Variants in GRM7 observed in about 807,000 individuals in gnomAD.
GRM7 encodes glutamate metabotropic receptor 7.
In GRM7, 35 loss-of-function variants were observed where a neutral mutation model predicts 84.5. The ratio of observed to expected loss-of-function variants is 0.41; its 90% CI spans 0.32 to 0.55. The LOEUF is 0.55. GRM7 is among the 20% of genes least tolerant of loss of function. The pLI is 0.19. For synonymous variants in GRM7, 487 were observed against 455.1 expected, an observed-to-expected ratio of 1.07 and a Z score of -0.89; for missense variants, 1,003 against 1,194.6, an observed-to-expected ratio of 0.84 and a Z score of 2.36.
chr3:7,313,915 GGAGA>G (rs35959092), intron 4 of GRM7, among the ~76,000 whole-genome samples: 2,393 of 149,666 alleles, frequency 0.016, 78 homozygotes, highest in African/African-American at 0.056. Context: ...GTTGTAAAAT[GGAGA>G]GAGAGAGAGA....
At chr3:7,543,175 G>C (rs768709555) in intron 7 of GRM7, among the ~76,000 whole-genome samples, 17 of 152,164 alleles carry the variant, frequency 1.1e-4, no homozygotes, top group Non-Finnish European at 2.1e-4. Flanking sequence ...GTTTAGAGCC[G>C]AGAGGTTAAT....
chr3:7,202,134 C>G (rs1346430293), intron 2 of GRM7, among the ~76,000 whole-genome samples: 4 of 152,006 alleles, frequency 2.6e-5, no homozygotes, highest in Non-Finnish European at 5.9e-5. Flanking sequence ...CATCTTGTCT[C>G]AAATTAAAGG....
chr3:7,266,827 A>G lies in GRM7; in HGVS notation c.737-31857A>G, dbSNP rs555287832. 2.6e-5 allele frequency among the ~76,000 whole-genome samples: 4 copies of G among 152,314 alleles called. No individual in the cohort carries two copies. The South Asian group carries it at 8.3e-4, about 32-fold the overall frequency. On this transcript the variant is annotated intron_variant, in intron 2 of 9. Coordinates refer to ENST00000357716, the MANE Select transcript of GRM7 (RefSeq NM_000844.4). ...AAATTTGGATAATTCATATTTTTCAACAGGTTTCTGGTTTTCTACCAAGTA... is the reference window on the plus strand; with the variant it reads ...AAATTTGGATAATTCATATTTTTCAGCAGGTTTCTGGTTTTCTACCAAGTA...
chr3:7,262,141 T>C (rs1032399603), intron 2 of GRM7, among the ~76,000 whole-genome samples: 1 of 151,832 alleles, frequency 6.6e-6, no homozygotes, highest in Non-Finnish European at 1.5e-5. Flanking sequence ...CTGATGGTTA[T>C]GTGTCTTAGG....
chr3:7,131,388 T>C (rs191936813), intron 1 of GRM7, among the ~76,000 whole-genome samples: 51 of 152,282 alleles, frequency 3.3e-4, no homozygotes, highest in African/African-American at 1.2e-3. Flanking sequence ...TTAGAGGTAT[T>C]TGGGTCTCAG....
chr3:6,945,643 C>A (rs1461939208), intron 1 of GRM7, among the ~76,000 whole-genome samples: 1 of 152,180 alleles, frequency 6.6e-6, no homozygotes, highest in African/African-American at 2.4e-5. Context: ...GCCACACCGA[C>A]TTCCACAATG....
At chr3:6,930,330 T>C (rs1383109661) in intron 1 of GRM7, among the ~76,000 whole-genome samples, 2 of 152,160 alleles carry the variant, frequency 1.3e-5, no homozygotes, top group Non-Finnish European at 2.9e-5. Context: ...CATCCTAAAG[T>C]GAAACAATGT....
chr3:7,373,546 T>C (rs12492155), intron 4 of GRM7, among the ~76,000 whole-genome samples: 38,250 of 152,160 alleles, frequency 0.25, 6,903 homozygotes, highest in African/African-American at 0.52. Context: ...CAGTCCTCCA[T>C]GAGGAAAAGT....
rs544471021 is a variant in GRM7 at position 7,009,676 on chromosome 3, T to C, written c.520-136776T>C. On this transcript the variant is annotated intron_variant, in intron 1 of 9. Transcript: ENST00000357716. ...GTTAAGGGCCCAGGTCAATATGCAGTTTTATTTGTCTGATTCTGTGCGCAC... is the reference window on the plus strand; with the variant it reads ...GTTAAGGGCCCAGGTCAATATGCAGCTTTATTTGTCTGATTCTGTGCGCAC... Among the ~76,000 whole-genome samples the C allele has an allele frequency of 4.8e-4, 73 of 152,224 alleles. 1 individual carries two copies. The highest frequency in any genetic ancestry group is 9.1e-4 in the Non-Finnish European group (62 of 68,004).
At chr3:6,985,532 G>T (rs1051095100) in intron 1 of GRM7, among the ~76,000 whole-genome samples, 3 of 152,154 alleles carry the variant, frequency 2.0e-5, no homozygotes, top group Admixed American at 2.0e-4. Flanking sequence ...TTGTTTCATT[G>T]TTGCCACAGG....
chr3:7,046,137 T>G (rs1696799810), intron 1 of GRM7, among the ~76,000 whole-genome samples: 1 of 152,172 alleles, frequency 6.6e-6, no homozygotes, highest in Non-Finnish European at 1.5e-5. Flanking sequence ...GAATACCTTT[T>G]CGTATTCTAT....
chr3:7,104,119 A>G (rs1292499200), intron 1 of GRM7, among the ~76,000 whole-genome samples: 1 of 151,052 alleles, frequency 6.6e-6, no homozygotes. Flanking sequence ...TAGTGCCCTT[A>G]TAAGAAGGTA....
At chr3:7,350,112 T>C (rs9853722) in intron 4 of GRM7, among the ~76,000 whole-genome samples, 15,317 of 152,126 alleles carry the variant, frequency 0.1, 860 homozygotes, top group African/African-American at 0.15. Context: ...ATAAGGACAA[T>C]GTTGTTTTGT....
intron 4 of GRM7, among the ~76,000 whole-genome samples, chr3:7,372,141 G>A (rs757595111): frequency 1.3e-5 from 2 of 152,068 alleles, no homozygotes; most frequent in Non-Finnish European, 2.9e-5. Context: ...TGGAAGTCTG[G>A]GCACTGTGGG....
chr3:7,031,646 A>G (rs1696187969), intron 1 of GRM7, among the ~76,000 whole-genome samples: 1 of 151,944 alleles, frequency 6.6e-6, no homozygotes, highest in Non-Finnish European at 1.5e-5. Context: ...ATACTTTTTC[A>G]TGATGTTACT....
intron 1 of GRM7, among the ~76,000 whole-genome samples, chr3:7,066,058 C>T (rs1028225958): frequency 1.6e-4 from 24 of 151,626 alleles, no homozygotes; most frequent in Admixed American, 2.6e-4. Flanking sequence ...TAGCCCTAAA[C>T]GTCTACATCA....
intron 5 of GRM7, among the ~76,000 whole-genome samples, chr3:7,450,757 G>A (rs1265286772): frequency 6.6e-6 from 1 of 151,798 alleles, no homozygotes; most frequent in Non-Finnish European, 1.5e-5. Flanking sequence ...AAAAACCCTA[G>A]ATCCCGTGAC....
chr3:7,031,282 C>A (rs563791167), intron 1 of GRM7, among the ~76,000 whole-genome samples: 1 of 152,104 alleles, frequency 6.6e-6, no homozygotes, highest in African/African-American at 2.4e-5. Context: ...TTGAAATGCT[C>A]TTTTGTGGGC....
chr3:7,585,579 CAGAA>C (rs2125058732), intron 8 of GRM7, among the ~76,000 whole-genome samples: 1 of 152,254 alleles, frequency 6.6e-6, no homozygotes, highest in South Asian at 2.1e-4. Flanking sequence ...GAGTGATACT[CAGAA>C]AGAGAAATTC....
Sources: allele counts gnomAD v4.1 joint callset (sites outside exome capture counted in the v4.1 genomes callset), GRCh38; gene constraint gnomAD v4.1.1; transcripts MANE v1.5; gene names NCBI Gene and HGNC (gene_info 2026-07-23, HGNC 2026-07-21).